Variants in MED23 observed in about 807,000 individuals in gnomAD.
The protein encoded by MED23 is mediator of RNA polymerase II transcription subunit 23.
MED23 carries 105 observed loss-of-function variants against 163.9 expected under a neutral mutation model. That is an observed-to-expected ratio of 0.64 (90% CI 0.55 to 0.75). MED23 has a LOEUF of 0.75. Among genes scored for constraint, MED23 ranks in the 30% least tolerant of loss-of-function variants. MED23 has a pLI of 0.00. For synonymous variants in MED23, 561 were observed against 565.6 expected, an observed-to-expected ratio of 0.99 and a Z score of 0.12; for missense variants, 1,054 against 1,649.0, an observed-to-expected ratio of 0.64 and a Z score of 6.25.
At chr6:131,610,674 C>A (rs1776218158) in intron 10 of MED23, among the ~76,000 whole-genome samples, 1 of 152,132 alleles carries the variant, frequency 6.6e-6, no homozygotes. Flanking sequence ...TGTGACAGAA[C>A]AAATAAAGCA....
chr6:131,593,341 GA>G (rs1774792613), intron 23 of MED23, among the ~76,000 whole-genome samples, 170 bp from the exon 24 acceptor site: 1 of 152,182 alleles, frequency 6.6e-6, no homozygotes, highest in African/African-American at 2.4e-5. Flanking sequence ...GCAACCATTT[GA>G]TTAACCACAG....
chr6:131,594,478 G>C (rs1423030930), intron 22 of MED23, 143 bp from the exon 23 acceptor site: 1 of 742,524 alleles, frequency 1.3e-6, no homozygotes, highest in African/African-American at 1.7e-5. Context: ...TGTATACTAT[G>C]AATATTTTAA....
At chr6:131,588,571 G>A (rs1179560203) in intron 28 of MED23, among the ~76,000 whole-genome samples, 1 of 152,116 alleles carries the variant, frequency 6.6e-6, no homozygotes, top group East Asian at 1.9e-4. Flanking sequence ...AACAAAAGCA[G>A]ATACAATTTC....
Position 131,605,314 on chromosome 6 carries a change from G to A in MED23, c.1539C>T (p.Asn513=). The change falls in exon 14 of 29, where the codon AAC becomes AAT. Residue 513 remains asparagine, a synonymous_variant. Coordinates refer to ENST00000368068, the MANE Select transcript of MED23 (RefSeq NM_004830.4). ...GIMRIPLPGT[N]CMASGSITPL... is the part of the protein sequence containing the mutation. Reference sequence around the variant, plus strand: ...GGGTAATAGATCCTGAAGCCATACAGTTTGTTCCAGGGAGAGGTATCCTCA... The same window carrying A: ...GGGTAATAGATCCTGAAGCCATACAATTTGTTCCAGGGAGAGGTATCCTCA... The A allele has an allele frequency of 6.2e-7, 1 of 1,613,294 alleles. No individual in the cohort carries two copies. The highest frequency in any genetic ancestry group is 8.5e-7 in the Non-Finnish European group (1 of 1,179,428).
At chr6:131,602,033 T>C (rs1775523228) in intron 17 of MED23, among the ~76,000 whole-genome samples, 185 bp downstream of exon 17, 1 of 152,146 alleles carries the variant, frequency 6.6e-6, no homozygotes, top group African/African-American at 2.4e-5. Flanking sequence ...AACGCAGTTA[T>C]TAATAGAATG....
chr6:131,617,202 T>G (rs907925194), intron 9 of MED23, among the ~76,000 whole-genome samples: 16 of 151,554 alleles, frequency 1.1e-4, no homozygotes, highest in Non-Finnish European at 5.9e-5. Flanking sequence ...TACGGCTTTC[T>G]AGAGCACATC....
rs990893378 is a variant in MED23 at position 131,601,779 on chromosome 6, C to CT, written c.2095+438dup. Among the ~76,000 whole-genome samples the CT allele has an allele frequency of 4.1e-4, 62 of 152,032 alleles. 1 individual carries two copies. Among genetic ancestry groups the CT allele is most frequent in the Admixed American group, 4.1e-3 (62 of 15,252 alleles). On this transcript the variant is annotated intron_variant, in intron 17 of 28. Coordinates refer to ENST00000368068, the MANE Select transcript of MED23 (RefSeq NM_004830.4). Reference sequence around the variant, plus strand: ...CTAAAGTTTTGCTTTAGAAAATATACTTTTTTTATAACATCATATATTAAC... The same window carrying CT: ...CTAAAGTTTTGCTTTAGAAAATATACTTTTTTTTATAACATCATATATTAAC...
At chr6:131,605,158 C>G in intron 14 of MED23, 82 bp downstream of exon 14, 1 of 1,432,946 alleles carries the variant, frequency 7.0e-7, no homozygotes, top group Non-Finnish European at 9.7e-7. Context: ...AAATAATACG[C>G]ACATAAAATC....
chr6:131,593,052 A>C lies in MED23; in HGVS notation c.3352T>G (p.Ser1118Ala). ...TCVELMALAV[S>A]GKEVGNALLN... ...AGGGCATTCCCAACTTCTTTGCCTG[A>C]AACTGCCAAGGCCATGAGCTCCACA... Residue 1118 changes from serine (S) to alanine (A), a missense_variant, in exon 24 of 29, where the codon TCA (serine) becomes GCA (alanine). Physicochemically the swap from Ser to Ala is moderately conservative, Grantham distance 99. Coordinates refer to ENST00000368068, the MANE Select transcript of MED23 (RefSeq NM_004830.4). The C allele has an allele frequency of 1.9e-6, 3 of 1,614,218 alleles. No homozygotes were observed. The highest frequency in any genetic ancestry group is 2.5e-6 in the Non-Finnish European group (3 of 1,180,034).
intron 10 of MED23, chr6:131,615,339 G>A (rs563901657): frequency 6.2e-6 from 10 of 1,611,256 alleles, no homozygotes; most frequent in Middle Eastern, 1.7e-4. Flanking sequence ...CAATGTTCAA[G>A]GTCTAGAGCA....
chr6:131,620,640 T>C lies in MED23; in HGVS notation c.585A>G (p.Lys195=). 6.2e-7 allele frequency: 1 copy of C among 1,610,518 alleles called. No homozygotes were observed. The change falls in exon 7 of 29, where the codon AAA becomes AAG. Residue 195 remains lysine (K), a synonymous_variant. Transcript: ENST00000368068. ...TEIRKLYPEG[K]LPHWLLGNLV... The stretch of plus-strand genomic sequence containing the variant: ...ATATAAAATTTACCCAGTGTGGAAG[T>C]TTGCCTTCAGGATACAGTTTCCTGA...
chr6:131,592,545 G>T, intron 24 of MED23, 85 bp from the exon 25 acceptor site: 2 of 1,173,990 alleles, frequency 1.7e-6, no homozygotes, highest in Non-Finnish European at 2.5e-6. Flanking sequence ...TAAAGAATAT[G>T]TCTAATTCAG....
At chr6:131,585,305 G>T (rs2114556773), downstream of MED23, among the ~76,000 whole-genome samples, 1 of 152,158 alleles carries the variant, frequency 6.6e-6, no homozygotes, top group South Asian at 2.1e-4. Context: ...AACCCCAGGG[G>T]GTCCTGTAAA....
rs780283027 is a variant in MED23 at position 131,596,201 on chromosome 6, T to C, written c.2779-38A>G. The C allele has an allele frequency of 3.8e-6, 6 of 1,573,824 alleles. No individual in the cohort carries two copies. In the South Asian group the frequency reaches 6.7e-5, roughly 18 times the overall value. ...GAAGATGATAAATGGTTAGAGCATT[T>C]TTTAAAAAATTCTCTTAAAAGAGCT... On this transcript the variant is annotated intron_variant, in intron 21 of 28. Transcript: ENST00000368068.
chr6:131,590,590 T>C (rs1326878076), intron 26 of MED23, 148 bp from the exon 27 acceptor site: 6 of 532,296 alleles, frequency 1.1e-5, no homozygotes, highest in Admixed American at 6.9e-5. Flanking sequence ...CTAATTAATC[T>C]CACATCTCTC....
intron 14 of MED23, 110 bp from the exon 15 acceptor site, chr6:131,604,430 TGAAG>T: frequency 8.2e-7 from 1 of 1,212,654 alleles, no homozygotes; most frequent in Non-Finnish European, 1.2e-6. Context: ...ATGATTCAAA[TGAAG>T]TTGATTCATT....
intron 8 of MED23, among the ~76,000 whole-genome samples, 196 bp from the exon 9 acceptor site, chr6:131,618,715 G>C (rs1776870025): frequency 6.6e-6 from 1 of 152,176 alleles, no homozygotes; most frequent in Non-Finnish European, 1.5e-5. Flanking sequence ...ATTTGCACAG[G>C]CTTTCCAAAG....
At chr6:131,584,363 AACAC>A (rs3138772), downstream of MED23, 1,040 of 158,326 alleles carry the variant, frequency 6.6e-3, 25 homozygotes, top group East Asian at 0.09. Context: ...AAATACATGC[AACAC>A]ACACACACAC....
At chr6:131,602,020 C>T (rs1208696847) in intron 17 of MED23, among the ~76,000 whole-genome samples, 198 bp downstream of exon 17, 4 of 152,046 alleles carry the variant, frequency 2.6e-5, no homozygotes, top group African/African-American at 9.7e-5. Context: ...GAAAACGATG[C>T]TCAACGCAGT....
Sources: allele counts gnomAD v4.1 joint callset (sites outside exome capture counted in the v4.1 genomes callset), GRCh38; gene constraint gnomAD v4.1.1; transcripts MANE v1.5; gene names NCBI Gene and HGNC (gene_info 2026-07-23, HGNC 2026-07-21).